Variants in CTSV observed in about 807,000 individuals in gnomAD.
CTSV encodes cathepsin L2.
In CTSV, 33 loss-of-function variants were observed where a neutral mutation model predicts 35.6. The ratio of observed to expected loss-of-function variants is 0.93; its 90% CI spans 0.70 to 1.24. CTSV has a LOEUF of 1.24. CTSV is among the 50% of genes most tolerant of loss of function. CTSV has a pLI of 0.00. For synonymous variants in CTSV, 154 were observed against 147.1 expected (o/e 1.05, Z -0.34); for missense variants, 408 against 413.1 (o/e 0.99, Z 0.11).
intron 6 of CTSV, 22 bp from the exon 7 acceptor site, chr9:97,034,865 T>C (rs1564074422): frequency 6.3e-7 from 1 of 1,591,330 alleles, no homozygotes; most frequent in East Asian, 2.2e-5. Flanking sequence ...AAATTAATGC[T>C]GGGGTGAGAA....
intron 1 of CTSV, among the ~76,000 whole-genome samples, 181 bp downstream of exon 1, chr9:97,038,890 G>A (rs1163404601): frequency 1.3e-5 from 2 of 152,160 alleles, no homozygotes; most frequent in Non-Finnish European, 2.9e-5. Flanking sequence ...CCTCCCAGTG[G>A]TGCCGGCGCC....
chr9:97,038,147 C>T (rs149962189), intron 1 of CTSV, 94 bp from the exon 2 acceptor site: 1 of 1,317,480 alleles, frequency 7.6e-7, no homozygotes, highest in Non-Finnish European at 1.0e-6. Context: ...ATTATTCTCC[C>T]TAGCATTTCC....
intron 5 of CTSV, 96 bp from the exon 6 acceptor site, chr9:97,035,789 G>A: frequency 1.3e-6 from 1 of 761,772 alleles, no homozygotes; most frequent in Non-Finnish European, 1.8e-6. Context: ...TTGCAACCTA[G>A]GATTTCCAAA....
In CTSV at chr9:97,036,570, C is replaced by T. The variant is rs756442242; in HGVS notation, c.574G>A (p.Glu192Lys). Reference sequence around the variant, plus strand: ...TCCTCAGAGTCCAGGCCTCCGTTCTCCTTGACATACTGGAAGGCCCTAGCC... The same window carrying T: ...TCCTCAGAGTCCAGGCCTCCGTTCTTCTTGACATACTGGAAGGCCCTAGCC... ...FMARAFQYVK[E>K]NGGLDSEESY... is the part of the protein sequence containing the mutation. The change falls in exon 5 of 8, where the codon GAG becomes AAG. Residue 192 changes from glutamate to lysine, a missense_variant. By Grantham distance (56) the Glu-to-Lys change is moderately conservative. Transcript: ENST00000259470. The T allele has an allele frequency of 2.5e-6, 4 of 1,613,994 alleles. No individual in the cohort carries two copies. The highest frequency in any genetic ancestry group is 3.4e-6 in the Non-Finnish European group (4 of 1,180,026).
chr9:97,030,696 G>A lies in CTSV; in HGVS notation c.*2253C>T, dbSNP rs1828728073. ...GGGGTCTGGCTAGTTATCTGCAGCA[G>A]GAACATGTCCTTAAGGCACAGATCG... On this transcript the variant is annotated 3_prime_UTR_variant, in exon 8 of 8. Transcript: ENST00000259470. The A allele has an allele frequency of 6.6e-6, 1 of 152,224 alleles. No individual in the cohort carries two copies. Among genetic ancestry groups the A allele is most frequent in the Non-Finnish European group, 1.5e-5 (1 of 68,036 alleles). The allele number at this position is 152,224 out of a possible 1,614,324, so 9.4% of individuals were successfully genotyped here.
chr9:97,039,385 A>C (rs1266372356), upstream of CTSV: 1 of 152,520 alleles, frequency 6.6e-6, no homozygotes, highest in Non-Finnish European at 1.5e-5. Flanking sequence ...CGCCTCCCTC[A>C]AGGGCTCAGA....
chr9:97,033,293 C>T (rs1441469820), intron 7 of CTSV, among the ~76,000 whole-genome samples: 1 of 151,636 alleles, frequency 6.6e-6, no homozygotes, highest in Non-Finnish European at 1.5e-5. Flanking sequence ...CTTGGCCAAT[C>T]TGGTGAAACC....
Position 97,038,058 on chromosome 9 carries a change from A to G in CTSV, c.-10-5T>C, listed in dbSNP as rs200933360. Reference sequence around the variant, plus strand: ...GAAAGATTCATGTTTCAAAACCTAGAAAGAGAAAAGAAATGAGTATCTGAT... The same window carrying G: ...GAAAGATTCATGTTTCAAAACCTAGGAAGAGAAAAGAAATGAGTATCTGAT... On this transcript the variant is annotated splice_polypyrimidine_tract_variant and splice_region_variant and intron_variant, in intron 1 of 7. Transcript: ENST00000259470. The G allele has an allele frequency of 1.2e-6, 2 of 1,612,108 alleles. No homozygotes were observed. Among genetic ancestry groups the G allele is most frequent in the East Asian group, 2.2e-5 (1 of 44,778 alleles).
rs1298827974 is a variant in CTSV at position 97,036,600 on chromosome 9, A to C, written c.544T>G (p.Phe182Val). The C allele has an allele frequency of 6.2e-7, 1 of 1,613,960 alleles. No homozygotes were observed. The highest frequency in any genetic ancestry group is 1.1e-5 in the South Asian group (1 of 91,072). The part of the protein sequence containing the change: ...PQGNQGCNGG[F>V]MARAFQYVKE... ...ACATACTGGAAGGCCCTAGCCATGA[A>C]GCCACCATTGCAGCCCTGATTGCCT... The change falls in exon 5 of 8, where the codon TTC (phenylalanine) becomes GTC (valine). Residue 182 changes from phenylalanine to valine, a missense_variant. By Grantham distance (50) the Phe-to-Val change is conservative. Transcript: ENST00000259470.
rs1322243656 is a variant in CTSV, at chr9:97,038,025, G to C, written c.19C>G (p.Leu7Val). Reference protein sequence around the residue: MNLSLVLAAFCLGIASA... With the variant: MNLSLVVAAFCLGIASA... ...GCTATTCCCAAGCAAAAGGCAGCCA[G>C]GACGAGCGAAAGATTCATGTTTCAA... is the stretch of plus-strand genomic sequence containing the variant. The change falls in exon 2 of 8, where the codon CTG (leucine) becomes GTG (valine). Residue 7 changes from leucine to valine, a missense_variant. Physicochemically the swap from Leu to Val is conservative, Grantham distance 32 (BLOSUM62 1). Transcript: ENST00000259470. 14 of 1,613,754 alleles carry C rather than the reference G, an allele frequency of 8.7e-6. No individual in the cohort carries two copies. Among genetic ancestry groups the C allele is most frequent in the East Asian group, 2.2e-5 (1 of 44,868 alleles).
Position 97,029,691 on chromosome 9 carries a change from T to C in CTSV, c.*3258A>G, listed in dbSNP as rs547554903. 1 of 152,348 alleles carries C rather than the reference T, an allele frequency of 6.6e-6. No individual in the cohort carries two copies. The highest frequency in any genetic ancestry group is 1.5e-5 in the Non-Finnish European group (1 of 68,040). 9.4% of individuals were successfully genotyped at this position (152,348 alleles called of 1,614,324 possible). On this transcript the variant is annotated 3_prime_UTR_variant, in exon 8 of 8. Coordinates refer to ENST00000259470, the MANE Select transcript of CTSV (RefSeq NM_001333.4). ...ACAAGAACACGTTGCAGCTTAGTAA[T>C]AGTTTTACTTATTAACTTACTTAAA...
At chr9:97,037,672 C>T (rs2119236359) in intron 2 of CTSV, 57 bp from the exon 3 acceptor site, 3 of 1,593,846 alleles carry the variant, frequency 1.9e-6, no homozygotes, top group Non-Finnish European at 2.6e-6. Context: ...CCCATGTTCA[C>T]CAAGCCGATT....
At chr9:97,035,839 TTTG>T (rs1828838426) in intron 5 of CTSV, 146 bp from the exon 6 acceptor site, 1 of 480,884 alleles carries the variant, frequency 2.1e-6, no homozygotes, top group Non-Finnish European at 3.4e-6. Flanking sequence ...TAAAATGCTA[TTTG>T]TTGATTTGAA....
chr9:97,037,063 C>T (rs1186066396), intron 4 of CTSV, among the ~76,000 whole-genome samples, 189 bp downstream of exon 4: 3 of 152,186 alleles, frequency 2.0e-5, no homozygotes, highest in Non-Finnish European at 4.4e-5. Context: ...GACGAGATCA[C>T]GCCATTGCAA....
intron 5 of CTSV, 143 bp from the exon 6 acceptor site, chr9:97,035,836 C>T (rs1051432817): frequency 2.1e-6 from 1 of 484,448 alleles, no homozygotes; most frequent in Non-Finnish European, 3.3e-6. Context: ...AAATAAAATG[C>T]TATTTGTTGA....
intron 7 of CTSV, among the ~76,000 whole-genome samples, chr9:97,034,083 C>T (rs144624896): frequency 4.7e-4 from 72 of 152,198 alleles, no homozygotes; most frequent in African/African-American, 1.6e-3. Flanking sequence ...GGTGACAGAG[C>T]GACACTCTGT....
intron 1 of CTSV, 111 bp from the exon 2 acceptor site, chr9:97,038,164 A>T: frequency 8.3e-7 from 1 of 1,207,124 alleles, no homozygotes; most frequent in Non-Finnish European, 1.1e-6. Flanking sequence ...TTCCCCAAGG[A>T]CTGTGGAAGA....
chr9:97,039,514 G>T (rs1409473439), upstream of CTSV: 1 of 152,260 alleles, frequency 6.6e-6, no homozygotes, highest in Non-Finnish European at 1.5e-5. Flanking sequence ...GCAGGGCCGG[G>T]AGCCAGGGTA....
chr9:97,036,014 C>G (rs182689456), intron 5 of CTSV, among the ~76,000 whole-genome samples: 1 of 151,904 alleles, frequency 6.6e-6, no homozygotes, highest in African/African-American at 2.4e-5. Context: ...TCTAATGGTA[C>G]TTATATGGTA....
Sources: allele counts gnomAD v4.1 joint callset (sites outside exome capture counted in the v4.1 genomes callset), GRCh38; gene constraint gnomAD v4.1.1; transcripts MANE v1.5; gene names NCBI Gene and HGNC (gene_info 2026-07-23, HGNC 2026-07-21).